MYO3B: variants seen among roughly 807,000 people sequenced by gnomAD.
The protein encoded by MYO3B is myosin IIIB, also known as myosin-IIIb.
MYO3B carries 156 observed loss-of-function variants against 174.6 expected under a neutral mutation model. That is an observed-to-expected ratio of 0.89 (90% CI 0.78 to 1.02). The LOEUF (loss-of-function observed/expected upper bound fraction) is 1.02. Among genes scored for constraint, MYO3B ranks in the 50% least tolerant of loss-of-function variants. The pLI is 0.00. For synonymous variants in MYO3B, 563 were observed against 569.1 expected, an observed-to-expected ratio of 0.99 and a Z score of 0.15; for missense variants, 1,632 against 1,639.4, an observed-to-expected ratio of 1.00 and a Z score of 0.08.
intron 32 of MYO3B, among the ~76,000 whole-genome samples, chr2:170,620,033 A>G (rs954806997): frequency 1.3e-5 from 2 of 152,108 alleles, no homozygotes; most frequent in African/African-American, 4.8e-5. Context: ...CAGAATGTGA[A>G]TACCAAGAAG....
chr2:170,510,590 T>G (rs960271124), intron 28 of MYO3B, among the ~76,000 whole-genome samples: 2 of 151,798 alleles, frequency 1.3e-5, no homozygotes, highest in African/African-American at 4.8e-5. Flanking sequence ...TTTTTGCAGA[T>G]GTAGTTAATT....
chr2:170,335,272 GA>G, intron 7 of MYO3B, 112 bp from the exon 8 acceptor site: 1 of 816,818 alleles, frequency 1.2e-6, no homozygotes, highest in Non-Finnish European at 2.0e-6. Context: ...TCTCATATGA[GA>G]ACAAACAGAT....
At chr2:170,386,100 T>C in intron 12 of MYO3B, 89 bp from the exon 13 acceptor site, 1 of 1,020,290 alleles carries the variant, frequency 9.8e-7, no homozygotes, top group Non-Finnish European at 1.5e-6. Context: ...AGTGAAAAAT[T>C]AAGGTGTACA....
intron 8 of MYO3B, among the ~76,000 whole-genome samples, chr2:170,365,980 C>T (rs1391541960): frequency 6.6e-6 from 1 of 152,066 alleles, no homozygotes; most frequent in East Asian, 1.9e-4. Flanking sequence ...GAGTGAGGCT[C>T]TTTGTTTTGC....
At chr2:170,628,200 T>A (rs1020458845) in intron 32 of MYO3B, among the ~76,000 whole-genome samples, 2 of 152,222 alleles carry the variant, frequency 1.3e-5, no homozygotes, top group African/African-American at 2.4e-5. Flanking sequence ...TCCACCCAGT[T>A]CGAGCTTCCT....
intron 26 of MYO3B, 152 bp downstream of exon 26, chr2:170,498,855 T>G: frequency 1.7e-6 from 1 of 599,542 alleles, no homozygotes; most frequent in Non-Finnish European, 3.0e-6. Context: ...GTCAAGAGGT[T>G]GGGGACGTTA....
Position 170,513,449 on chromosome 2 carries a change from G to A in MYO3B, c.3371-1472G>A, listed in dbSNP as rs191977357. On this transcript the variant is annotated intron_variant, in intron 28 of 34. Coordinates refer to ENST00000408978, the MANE Select transcript of MYO3B (RefSeq NM_138995.5). Reference sequence around the variant, plus strand: ...ACTCTCAGTTTCCATTGCCATATGCGTTCTCACTGAGTCTCTCTGTGTCTT... The same window carrying A: ...ACTCTCAGTTTCCATTGCCATATGCATTCTCACTGAGTCTCTCTGTGTCTT... Among the ~76,000 whole-genome samples the A allele has an allele frequency of 2.2e-3, 328 of 152,176 alleles. 3 individuals are homozygous for A. Among genetic ancestry groups the A allele is most frequent in the East Asian group, 0.011 (57 of 5,178 alleles).
chr2:170,494,863 C>G (rs1457279985), intron 25 of MYO3B, among the ~76,000 whole-genome samples: 1 of 151,916 alleles, frequency 6.6e-6, no homozygotes, highest in Non-Finnish European at 1.5e-5. Flanking sequence ...TTTTACCAGA[C>G]TTTCACAGAG....
At chr2:170,398,251 A>AAAT (rs2094452880) in intron 16 of MYO3B, among the ~76,000 whole-genome samples, 1 of 144,344 alleles carries the variant, frequency 6.9e-6, no homozygotes, top group Non-Finnish European at 1.5e-5. Flanking sequence ...AAAAAAAAAA[A>AAAT]GGATACAACT....
intron 12 of MYO3B, chr2:170,385,967 C>T: frequency 3.0e-6 from 1 of 334,002 alleles, no homozygotes; most frequent in Non-Finnish European, 5.5e-6. Context: ...CTCAAATATC[C>T]CAATATTGGA....
At chr2:170,212,024 A>C (rs1316629982) in intron 3 of MYO3B, among the ~76,000 whole-genome samples, 1 of 151,784 alleles carries the variant, frequency 6.6e-6, no homozygotes, top group Non-Finnish European at 1.5e-5. Context: ...CTGGCAGATC[A>C]CCTGAGGTCG....
intron 7 of MYO3B, among the ~76,000 whole-genome samples, chr2:170,287,841 T>G (rs1025726627): frequency 1.3e-5 from 2 of 152,100 alleles, no homozygotes; most frequent in African/African-American, 4.8e-5. Context: ...TTTCTTCTAG[T>G]AGTTTCATTG....
At position 170,194,098 on chromosome 2, in the gene MYO3B, T is replaced by C. The variant is rs150310624; in HGVS notation, c.3-5110T>C. ...GCTGGATTTTGGAATCATGTGACTT[T>C]TTCAGGAAGGACTCAAGCTGTTGCA... is the stretch of plus-strand genomic sequence containing the variant. On this transcript the variant is annotated intron_variant, in intron 1 of 34. Coordinates refer to ENST00000408978, the MANE Select transcript of MYO3B (RefSeq NM_138995.5). Among the ~76,000 whole-genome samples the C allele has an allele frequency of 3.9e-5, 6 of 152,324 alleles. No homozygotes were observed. The East Asian group carries it at 1.2e-3, about 29-fold the overall frequency.
chr2:170,457,986 T>A (rs1684007069), intron 23 of MYO3B, among the ~76,000 whole-genome samples: 1 of 152,188 alleles, frequency 6.6e-6, no homozygotes, highest in Non-Finnish European at 1.5e-5. Context: ...ACTCCTGACC[T>A]CAAGTGGTCC....
chr2:170,287,703 T>A (rs528749619), intron 7 of MYO3B, among the ~76,000 whole-genome samples: 82 of 152,186 alleles, frequency 5.4e-4, no homozygotes, highest in Non-Finnish European at 8.4e-4. Context: ...TTTCCTTTGA[T>A]TTGCAGAAGA....
intron 23 of MYO3B, among the ~76,000 whole-genome samples, chr2:170,457,921 A>C (rs927196921): frequency 9.2e-5 from 14 of 151,980 alleles, no homozygotes; most frequent in African/African-American, 3.1e-4. Context: ...CGCCTGGCTA[A>C]GTTTTATATT....
intron 30 of MYO3B, among the ~76,000 whole-genome samples, chr2:170,532,677 A>G (rs11676814): frequency 1.3e-5 from 2 of 152,014 alleles, no homozygotes; most frequent in Admixed American, 1.3e-4. Flanking sequence ...TTAGTCAGGC[A>G]TGGTGGCAGA....
intron 22 of MYO3B, among the ~76,000 whole-genome samples, chr2:170,413,623 T>C (rs367654401): frequency 3.3e-5 from 5 of 152,110 alleles, no homozygotes; most frequent in East Asian, 3.8e-4. Flanking sequence ...GTTAATACTT[T>C]CACATTCTAG....
chr2:170,383,697 A>G lies in MYO3B; in HGVS notation c.1186-13A>G. 1 of 1,600,872 alleles carries G rather than the reference A, an allele frequency of 6.2e-7. No individual in the cohort carries two copies. Among genetic ancestry groups the G allele is most frequent in the Non-Finnish European group, 8.6e-7 (1 of 1,168,136 alleles). On this transcript the variant is annotated splice_polypyrimidine_tract_variant and intron_variant, in intron 11 of 34. Coordinates refer to ENST00000408978, the MANE Select transcript of MYO3B (RefSeq NM_138995.5). ...GTCCAGGGGAGAGTTTCCTTTAATT[A>G]TTTTTCCTTCAGTTTTCCAGACTTT...
Sources: allele counts gnomAD v4.1 joint callset (sites outside exome capture counted in the v4.1 genomes callset), GRCh38; gene constraint gnomAD v4.1.1; transcripts MANE v1.5; gene names NCBI Gene and HGNC (gene_info 2026-07-23, HGNC 2026-07-21).